The following PFKP variants were observed in gnomAD, a reference collection of about 807,000 sequenced individuals.
PFKP encodes ATP-dependent 6-phosphofructokinase, platelet type.
A neutral mutation model predicts 94.3 loss-of-function variants in PFKP; 101 were observed. That is an observed-to-expected ratio of 1.07 (90% CI 0.91 to 1.26). PFKP has a LOEUF of 1.26. PFKP is among the 50% of genes most tolerant of loss of function. The probability of loss-of-function intolerance (pLI) is 0.00; values close to 1 mark genes in which losing one functional copy is unlikely to be tolerated. For synonymous variants in PFKP, 573 were observed against 432.6 expected (o/e 1.32, Z -4.03); for missense variants, 1,145 against 1,103.3 (o/e 1.04, Z -0.53).
At position 3,105,172 on chromosome 10, in the gene PFKP, G is replaced by A. The variant is rs374795358; in HGVS notation, c.665+13G>A. 935 of 1,611,950 alleles carry A rather than the reference G, an allele frequency of 5.8e-4. 13 individuals carry two copies. The South Asian group carries it at 8.2e-3, about 14-fold the overall frequency. ...GACGACACTGTGGGTACGTACCTGC[G>A]GTGGGTCCGGTGGACGCGGTTCAGG... On this transcript the variant is annotated intron_variant, in intron 6 of 21. Coordinates refer to ENST00000381125, the MANE Select transcript of PFKP (RefSeq NM_002627.5).
chr10:3,136,519 G>A lies in PFKP; in HGVS notation c.2295G>A (p.Lys765=), dbSNP rs766843207. Reference sequence around the variant, plus strand: ...TCATGAAAATCCTGGCCAAGTACAAGGCCAGCTATGACGTGTCGGACTCAG... The same window carrying A: ...TCATGAAAATCCTGGCCAAGTACAAAGCCAGCTATGACGTGTCGGACTCAG... ...RPLMKILAKY[K]ASYDVSDSGQ... The change falls in exon 22 of 22, where the codon AAG becomes AAA. Residue 765 remains lysine (K), a synonymous_variant. Transcript: ENST00000381125. 4 of 1,613,688 alleles carry A rather than the reference G, an allele frequency of 2.5e-6. No homozygotes were observed. Among genetic ancestry groups the A allele is most frequent in the Admixed American group, 1.7e-5 (1 of 59,986 alleles).
intron 3 of PFKP, among the ~76,000 whole-genome samples, chr10:3,100,165 C>A (rs1030262727): frequency 2.2e-4 from 34 of 151,714 alleles, no homozygotes; most frequent in African/African-American, 8.0e-4. Flanking sequence ...TGAGTTGCGG[C>A]CACCTCGTCT....
Position 3,128,202 on chromosome 10 carries a change from A to G in PFKP, c.1684-1617A>G, listed in dbSNP as rs568432285. Among the ~76,000 whole-genome samples the G allele has an allele frequency of 1.4e-4, 21 of 152,304 alleles. No individual in the cohort carries two copies. In the East Asian group the frequency reaches 3.9e-3, roughly 28 times the overall value. ...CTCGGCCGGGTGCTGCTGATGGTGC[A>G]CTGGTGTAAGCCCAGCCCACAGTTC... On this transcript the variant is annotated intron_variant, in intron 16 of 21. Coordinates refer to ENST00000381125, the MANE Select transcript of PFKP (RefSeq NM_002627.5).
rs549335820 is a variant in PFKP, at chr10:3,135,585, C to G, written c.2123-151C>G. On this transcript the variant is annotated intron_variant, in intron 20 of 21. Transcript: ENST00000381125. ...GCTGCACGAGGCCAGGTGCTGGCCC[C>G]ACTGCGCGGCTGTTCTCAGTCTCAC... 2.7e-5 allele frequency: 15 copies of G among 565,380 alleles called. No homozygotes were observed. In the Admixed American group the frequency reaches 3.4e-4, roughly 13 times the overall value. 35.0% of individuals were successfully genotyped at this position (565,380 alleles called of 1,614,324 possible).
Position 3,075,734 on chromosome 10 carries a change from C to T in PFKP, c.113-6654C>T, listed in dbSNP as rs112627033. 6.8e-4 allele frequency among the ~76,000 whole-genome samples: 103 copies of T among 150,572 alleles called. 1 individual carries two copies. The highest frequency in any genetic ancestry group is 2.3e-3 in the African/African-American group (96 of 40,878). On this transcript the variant is annotated intron_variant, in intron 1 of 21. Transcript: ENST00000381125. Reference sequence around the variant, plus strand: ...CCTGGGCAACATGGCAAGACCTAGTCTCTACAAAAAATACAAAACAATTAG... The same window carrying T: ...CCTGGGCAACATGGCAAGACCTAGTTTCTACAAAAAATACAAAACAATTAG...
chr10:3,082,468 G>A lies in PFKP; in HGVS notation c.186+7G>A. ...GGTGTACTTCATCTACGAGGTCAGT[G>A]TCTGCCCCTCACCCCCTGTCGCCCT... On this transcript the variant is annotated splice_region_variant and intron_variant, in intron 2 of 21. Transcript: ENST00000381125. The A allele has an allele frequency of 1.3e-6, 2 of 1,598,262 alleles. No homozygotes were observed. Among genetic ancestry groups the A allele is most frequent in the Non-Finnish European group, 1.7e-6 (2 of 1,169,452 alleles).
chr10:3,069,106 G>T (rs900780055), intron 1 of PFKP: 23 of 397,008 alleles, frequency 5.8e-5, no homozygotes, highest in Non-Finnish European at 8.6e-5. Context: ...CGTGCGCCGC[G>T]CGCTCCCCAG....
In PFKP at chr10:3,123,830, A is replaced by T. The variant is rs533627788; in HGVS notation, c.1683+3786A>T. 2.0e-5 allele frequency among the ~76,000 whole-genome samples: 3 copies of T among 152,144 alleles called. No homozygotes were observed. In the East Asian group the frequency reaches 5.8e-4, roughly 29 times the overall value. On this transcript the variant is annotated intron_variant, in intron 16 of 21. Coordinates refer to ENST00000381125, the MANE Select transcript of PFKP (RefSeq NM_002627.5). ...AAGTCCTGCAAAAACTGCCATGGCCAGAGCCTGCCAGGCAGAGCCTGCACA... is the reference window on the plus strand; with the variant it reads ...AAGTCCTGCAAAAACTGCCATGGCCTGAGCCTGCCAGGCAGAGCCTGCACA...
intron 1 of PFKP, among the ~76,000 whole-genome samples, chr10:3,071,417 G>A (rs1832170413): frequency 8.0e-6 from 1 of 125,008 alleles, no homozygotes; most frequent in Non-Finnish European, 1.6e-5. Context: ...GATATCTTCT[G>A]TCTCAGGCTG....
intron 1 of PFKP, chr10:3,069,466 A>G: frequency 1.5e-6 from 2 of 1,362,560 alleles, no homozygotes; most frequent in Non-Finnish European, 2.0e-6. Flanking sequence ...AAGCAGAGGG[A>G]GCACCTTGAG....
chr10:3,125,283 C>T (rs770390242), intron 16 of PFKP: 9 of 1,244,732 alleles, frequency 7.2e-6, no homozygotes, highest in African/African-American at 3.2e-5. Flanking sequence ...ATTGCTTTTC[C>T]GTCATTTATT....
intron 20 of PFKP, 116 bp downstream of exon 20, chr10:3,134,698 G>GC: frequency 1.5e-6 from 1 of 661,302 alleles, no homozygotes; most frequent in Non-Finnish European, 2.7e-6. Context: ...GTTCAGTACT[G>GC]AGCTGCACGT....
At chr10:3,088,731 T>C (rs896943343) in intron 2 of PFKP, among the ~76,000 whole-genome samples, 1 of 152,184 alleles carries the variant, frequency 6.6e-6, no homozygotes. Context: ...TGAAGTAAAA[T>C]ATGCATATAT....
At chr10:3,076,552 C>G (rs1156733896) in intron 1 of PFKP, among the ~76,000 whole-genome samples, 2 of 152,128 alleles carry the variant, frequency 1.3e-5, no homozygotes, top group Non-Finnish European at 2.9e-5. Context: ...CCTCAACACC[C>G]CCCACCCCGC....
At chr10:3,101,621 G>C (rs560553155) in intron 4 of PFKP, 67 bp downstream of exon 4, 4 of 1,182,354 alleles carry the variant, frequency 3.4e-6, no homozygotes, top group East Asian at 2.8e-5. Context: ...GAACCGACAG[G>C]TTTCCCTCTT....
intron 2 of PFKP, 99 bp from the exon 3 acceptor site, chr10:3,099,176 A>C: frequency 1.1e-6 from 1 of 915,138 alleles, no homozygotes; most frequent in South Asian, 1.4e-5. Context: ...TGAGGAACTG[A>C]CATTCACTGT....
At chr10:3,122,594 C>T (rs1452586675) in intron 16 of PFKP, among the ~76,000 whole-genome samples, 6 of 152,214 alleles carry the variant, frequency 3.9e-5, no homozygotes, top group African/African-American at 9.6e-5. Context: ...TGGATGGCTC[C>T]GGGTCCCCCC....
At chr10:3,136,175 A>T (rs575239412) in intron 21 of PFKP, among the ~76,000 whole-genome samples, 2 of 152,228 alleles carry the variant, frequency 1.3e-5, no homozygotes, top group East Asian at 3.9e-4. Context: ...GAGGCAGGAG[A>T]AATCGCTTGA....
At chr10:3,093,383 G>A (rs1438037198) in intron 2 of PFKP, among the ~76,000 whole-genome samples, 1 of 152,148 alleles carries the variant, frequency 6.6e-6, no homozygotes, top group African/African-American at 2.4e-5. Flanking sequence ...CTCCACTTCT[G>A]TCTAAAAATA....
Sources: gnomAD v4.1 joint callset for allele counts (sites outside exome capture counted in the v4.1 genomes callset) on GRCh38, gnomAD v4.1.1 for gene constraint, MANE v1.5 for transcripts, NCBI Gene and HGNC (gene_info 2026-07-23, HGNC 2026-07-21) for gene names.